The following TM7SF3 variants were observed in gnomAD, a reference collection of about 807,000 sequenced individuals.
TM7SF3 encodes transmembrane 7 superfamily member 3.
Under a neutral mutation model 65.5 loss-of-function variants are expected in TM7SF3, and 60 were observed. The observed-to-expected ratio is 0.92, with a 90% CI of 0.74 to 1.14. The LOEUF (loss-of-function observed/expected upper bound fraction) is 1.14, where lower values mean the gene tolerates loss of function less well. Ranked by LOEUF, TM7SF3 falls within the 50% of genes most tolerant of loss-of-function variation. The pLI, the probability that TM7SF3 is intolerant of heterozygous loss-of-function variation, is 0.00. For synonymous variants in TM7SF3, 264 were observed against 259.6 expected (o/e 1.02, Z -0.16); for missense variants, 623 against 684.8 (o/e 0.91, Z 1.01).
chr12:26,980,339 T>C, intron 8 of TM7SF3: 1 of 550,168 alleles, frequency 1.8e-6, no homozygotes. Flanking sequence ...ATAATCAATA[T>C]GGCCCCTCCT....
intron 5 of TM7SF3, among the ~76,000 whole-genome samples, chr12:26,992,946 G>A (rs1334494391): frequency 8.0e-6 from 1 of 124,954 alleles, no homozygotes; most frequent in Non-Finnish European, 1.6e-5. Context: ...GTCTCACTCT[G>A]TCGCCCAGGC....
chr12:26,978,578 C>CTT (rs1181050853), intron 9 of TM7SF3: 3 of 152,082 alleles, frequency 2.0e-5, no homozygotes, highest in Non-Finnish European at 4.4e-5. Flanking sequence ...TTTTTGTGGT[C>CTT]TTTTTGTTTT....
intron 1 of TM7SF3, among the ~76,000 whole-genome samples, chr12:27,010,755 T>G (rs1048390735): frequency 6.6e-6 from 1 of 152,216 alleles, no homozygotes; most frequent in Non-Finnish European, 1.5e-5. Flanking sequence ...AAATGGCTTT[T>G]TTTGCCATCT....
intron 6 of TM7SF3, chr12:26,983,627 T>C (rs1939913049): frequency 2.2e-6 from 1 of 449,590 alleles, no homozygotes; most frequent in Non-Finnish European, 4.5e-6. Flanking sequence ...TAAATCAAAA[T>C]TGTTAAGGCT....
intron 1 of TM7SF3, chr12:27,013,057 A>G (rs1941310604): frequency 5.7e-6 from 1 of 175,244 alleles, no homozygotes; most frequent in African/African-American, 2.4e-5. Flanking sequence ...TAGGGAGCCA[A>G]GCCCGGGCAT....
At position 26,990,564 on chromosome 12, in the gene TM7SF3, C is replaced by T. The variant is rs746903643; in HGVS notation, c.754G>A (p.Val252Ile). ...TCCCAAACAATGACATTGTATATGA[C>T]ACCTTGTCCCGGGAGGGAGGAGAAG... The part of the protein sequence containing the change: ...VSFSSLPGQG[V>I]IYNVIVWDPF... The change falls in exon 6 of 12, where the codon GTC (valine) becomes ATC (isoleucine). Residue 252 changes from valine (V) to isoleucine (I), a missense_variant. By Grantham distance (29) the Val-to-Ile change is conservative. Coordinates refer to ENST00000343028, the MANE Select transcript of TM7SF3 (RefSeq NM_016551.3). 2 of 1,614,094 alleles carry T rather than the reference C, an allele frequency of 1.2e-6. No individual in the cohort carries two copies. The highest frequency in any genetic ancestry group is 2.2e-5 in the South Asian group (2 of 91,084).
At chr12:26,992,688 T>G (rs1752347305) in intron 5 of TM7SF3, among the ~76,000 whole-genome samples, 1 of 152,224 alleles carries the variant, frequency 6.6e-6, no homozygotes, top group African/African-American at 2.4e-5. Context: ...GCAGGAGCGA[T>G]GGCTCACTGC....
intron 6 of TM7SF3, among the ~76,000 whole-genome samples, chr12:26,989,929 C>A (rs1940272347): frequency 6.6e-6 from 1 of 152,194 alleles, no homozygotes; most frequent in Non-Finnish European, 1.5e-5. Context: ...CAAGGCCACA[C>A]ACAGGCTGCC....
In TM7SF3 at chr12:26,976,274, C is replaced by T. The variant is rs775604523; in HGVS notation, c.1273G>A (p.Gly425Ser). 4 of 1,611,316 alleles carry T rather than the reference C, an allele frequency of 2.5e-6. No individual in the cohort carries two copies. In the South Asian group the frequency reaches 4.4e-5, roughly 18 times the overall value. ...GAAACACTTACTATTCTTAGGCAGC[C>T]CATGAAAACTACTGGAATGAGGATA... Reference protein sequence around the residue: ...IAILIPVVFMGCLRILNILTC... With the variant: ...IAILIPVVFMSCLRILNILTC... The change falls in exon 10 of 12, where the codon GGC becomes AGC. Residue 425 changes from glycine (G) to serine (S), a missense_variant. By Grantham distance (56) the Gly-to-Ser change is moderately conservative. Coordinates refer to ENST00000343028, the MANE Select transcript of TM7SF3 (RefSeq NM_016551.3).
At chr12:27,005,713 A>G (rs1005458349) in intron 1 of TM7SF3, among the ~76,000 whole-genome samples, 3 of 152,218 alleles carry the variant, frequency 2.0e-5, no homozygotes, top group Admixed American at 6.5e-5. Context: ...AGAACCATGG[A>G]AACTAAAATA....
intron 1 of TM7SF3, 58 bp downstream of exon 1, chr12:27,014,020 C>G (rs1015226363): frequency 1.0e-4 from 149 of 1,446,610 alleles, no homozygotes; most frequent in Non-Finnish European, 1.4e-4. Flanking sequence ...CGGATTTTGA[C>G]CTCGCAAGAA....
At chr12:26,976,021 TA>T (rs1394989926) in intron 10 of TM7SF3, among the ~76,000 whole-genome samples, 2 of 152,130 alleles carry the variant, frequency 1.3e-5, no homozygotes, top group African/African-American at 4.8e-5. Flanking sequence ...CTCCCACTGT[TA>T]AAAGCATATT....
intron 5 of TM7SF3, among the ~76,000 whole-genome samples, chr12:26,994,325 T>A (rs1051601845): frequency 1.3e-5 from 2 of 152,172 alleles, no homozygotes; most frequent in African/African-American, 2.4e-5. Flanking sequence ...GATAAAATCC[T>A]GCCCTCCACA....
intron 1 of TM7SF3, among the ~76,000 whole-genome samples, chr12:27,004,474 A>C (rs1352348639): frequency 6.6e-6 from 1 of 152,224 alleles, no homozygotes; most frequent in Non-Finnish European, 1.5e-5. Flanking sequence ...TTTATTTTAG[A>C]AGGTAATTAG....
chr12:26,979,998 G>A, intron 8 of TM7SF3, 62 bp from the exon 9 acceptor site: 1 of 1,594,704 alleles, frequency 6.3e-7, no homozygotes, highest in East Asian at 2.2e-5. Context: ...GCGTGCCTTA[G>A]ACATACAATA....
intron 4 of TM7SF3, among the ~76,000 whole-genome samples, chr12:26,995,954 A>G (rs1440706715): frequency 6.6e-6 from 1 of 152,156 alleles, no homozygotes; most frequent in Non-Finnish European, 1.5e-5. Context: ...GTGATTACAT[A>G]ACTGGATTCT....
At chr12:27,008,256 T>G (rs1941114698) in intron 1 of TM7SF3, among the ~76,000 whole-genome samples, 1 of 152,170 alleles carries the variant, frequency 6.6e-6, no homozygotes, top group South Asian at 2.1e-4. Flanking sequence ...GGTATCTCAT[T>G]GTGATTTTAA....
chr12:26,996,531 TAA>T (rs915161537), intron 4 of TM7SF3, among the ~76,000 whole-genome samples: 26 of 152,290 alleles, frequency 1.7e-4, no homozygotes, highest in South Asian at 8.3e-4. Flanking sequence ...GCTCTTCAAA[TAA>T]AAAGAGTTCA....
intron 1 of TM7SF3, chr12:27,012,796 G>C: frequency 2.2e-6 from 1 of 449,234 alleles, no homozygotes; most frequent in South Asian, 1.6e-5. Context: ...TCAGGAGTTC[G>C]AGACCAGCCT....
Sources: allele counts gnomAD v4.1 joint callset (sites outside exome capture counted in the v4.1 genomes callset), GRCh38; gene constraint gnomAD v4.1.1; transcripts MANE v1.5; gene names NCBI Gene and HGNC (gene_info 2026-07-23, HGNC 2026-07-21).